Variants in SMCHD1 observed in about 807,000 individuals in gnomAD.
SMCHD1 encodes structural maintenance of chromosomes flexible hinge domain-containing protein 1.
Under a neutral mutation model 254.7 loss-of-function variants are expected in SMCHD1, and 78 were observed. That is an observed-to-expected ratio of 0.31 (90% CI 0.26 to 0.37). SMCHD1 has a LOEUF of 0.37. Ranked by LOEUF, SMCHD1 falls within the 10% of genes least tolerant of loss-of-function variation. The probability of loss-of-function intolerance (pLI) is 1.00; values close to 1 mark genes in which losing one functional copy is unlikely to be tolerated. For missense variants in SMCHD1, 1,840 were observed against 2,408.1 expected (o/e 0.76, Z 4.94); for synonymous variants, 766 against 794.9 (o/e 0.96, Z 0.61).
At chr18:2,663,905 C>T (rs1157631666) in intron 1 of SMCHD1, among the ~76,000 whole-genome samples, 3 of 151,994 alleles carry the variant, frequency 2.0e-5, no homozygotes. Flanking sequence ...TTAGTAGAGA[C>T]GGGGTTTCAC....
intron 34 of SMCHD1, among the ~76,000 whole-genome samples, chr18:2,759,621 G>A (rs1440924090): frequency 8.3e-6 from 1 of 120,904 alleles, no homozygotes; most frequent in Non-Finnish European, 1.6e-5. Flanking sequence ...CCAAGCTGGA[G>A]TGCAGTGGAG....
chr18:2,695,643 C>A (rs1047108295), intron 8 of SMCHD1, among the ~76,000 whole-genome samples: 1 of 151,974 alleles, frequency 6.6e-6, no homozygotes, highest in African/African-American at 2.4e-5. Flanking sequence ...GTGATACATA[C>A]GATTTACTGT....
intron 34 of SMCHD1, 116 bp from the exon 35 acceptor site, chr18:2,760,536 A>AT: frequency 1.5e-6 from 1 of 668,940 alleles, no homozygotes; most frequent in Non-Finnish European, 2.7e-6. Flanking sequence ...TACTATTAGT[A>AT]GTTCTATTCT....
chr18:2,671,153 C>T (rs1229926644), intron 3 of SMCHD1, among the ~76,000 whole-genome samples: 1 of 151,842 alleles, frequency 6.6e-6, no homozygotes, highest in Non-Finnish European at 1.5e-5. Flanking sequence ...TCAGGCTGGT[C>T]TCAAACCCCT....
chr18:2,708,872 A>G (rs1208325090), intron 17 of SMCHD1, among the ~76,000 whole-genome samples: 2 of 24,082 alleles, frequency 8.3e-5, no homozygotes, highest in Non-Finnish European at 1.5e-4. Context: ...AACTTCATAT[A>G]TATATATATA....
intron 1 of SMCHD1, among the ~76,000 whole-genome samples, chr18:2,662,185 A>G (rs1568068918): frequency 1.2e-5 from 1 of 83,234 alleles, no homozygotes; most frequent in African/African-American, 9.0e-5. Flanking sequence ...AAAATAAAAT[A>G]AATAAATAAA....
intron 47 of SMCHD1, among the ~76,000 whole-genome samples, chr18:2,798,090 C>G (rs796887088): frequency 1.8e-4 from 28 of 152,146 alleles, no homozygotes; most frequent in African/African-American, 6.5e-4. Flanking sequence ...GCATGATGCT[C>G]TAAGAAAATA....
chr18:2,675,018 C>T (rs1265183509), intron 5 of SMCHD1, among the ~76,000 whole-genome samples: 1 of 152,134 alleles, frequency 6.6e-6, no homozygotes, highest in Non-Finnish European at 1.5e-5. Flanking sequence ...ATCATTTGAA[C>T]CTGGTTTGGA....
chr18:2,799,858 C>G (rs796815808), intron 47 of SMCHD1, among the ~76,000 whole-genome samples: 11 of 152,192 alleles, frequency 7.2e-5, no homozygotes, highest in African/African-American at 2.6e-4. Context: ...ATCTGCCATC[C>G]TGGGTCTTCC....
intron 44 of SMCHD1, 130 bp downstream of exon 44, chr18:2,778,369 T>C: frequency 1.6e-6 from 1 of 610,224 alleles, no homozygotes; most frequent in Non-Finnish European, 2.7e-6. Context: ...ATAAGCAACA[T>C]AAAAGTAGGC....
At chr18:2,701,908 G>T (rs2074410031) in intron 12 of SMCHD1, among the ~76,000 whole-genome samples, 1 of 152,062 alleles carries the variant, frequency 6.6e-6, no homozygotes, top group Non-Finnish European at 1.5e-5. Flanking sequence ...AGTCCTGTAA[G>T]ATGTTGAAAT....
At chr18:2,765,612 T>C (rs2143708765) in intron 37 of SMCHD1, among the ~76,000 whole-genome samples, 1 of 152,320 alleles carries the variant, frequency 6.6e-6, no homozygotes, top group East Asian at 1.9e-4. Context: ...TTTGGTGAAA[T>C]CTAAAGATCT....
At chr18:2,689,661 T>C (rs1265338661) in intron 7 of SMCHD1, among the ~76,000 whole-genome samples, 4 of 152,058 alleles carry the variant, frequency 2.6e-5, no homozygotes, top group African/African-American at 7.2e-5. Context: ...ACTCCTGGAC[T>C]CAGGCAGTCT....
chr18:2,770,840 CG>C (rs1336454759), intron 39 of SMCHD1, among the ~76,000 whole-genome samples: 1 of 152,042 alleles, frequency 6.6e-6, no homozygotes, highest in African/African-American at 2.4e-5. Flanking sequence ...GGGCTGGTCT[CG>C]AACTTCTTAC....
In SMCHD1 at chr18:2,673,294, G is replaced by A. The variant is rs1271846875; in HGVS notation, c.438G>A (p.Ala146=). ...EGQNPLPFAL[A]ELIDNSLSAT... ...GATCTCTTGCAGCATTTGCTCTTGCGGAATTAATTGACAATTCATTGTCTG... is the reference window on the plus strand; with the variant it reads ...GATCTCTTGCAGCATTTGCTCTTGCAGAATTAATTGACAATTCATTGTCTG... Residue 146 remains alanine (A), a synonymous_variant, in exon 4 of 48, where the codon GCG becomes GCA. Coordinates refer to ENST00000320876, the MANE Select transcript of SMCHD1 (RefSeq NM_015295.3). 33 of 1,591,708 alleles carry A rather than the reference G, an allele frequency of 2.1e-5. No homozygotes were observed. The highest frequency in any genetic ancestry group is 2.7e-5 in the Non-Finnish European group (32 of 1,164,496).
intron 44 of SMCHD1, among the ~76,000 whole-genome samples, chr18:2,781,598 T>C (rs575426740): frequency 3.3e-5 from 5 of 152,092 alleles, no homozygotes; most frequent in African/African-American, 9.6e-5. Context: ...ACAAGTTAAA[T>C]TGAAAAATAT....
chr18:2,719,293 C>CTCTTT (rs1042207024), intron 19 of SMCHD1, among the ~76,000 whole-genome samples: 9 of 150,344 alleles, frequency 6.0e-5, no homozygotes, highest in South Asian at 2.1e-4. Context: ...CCCCTCTCCC[C>CTCTTT]TCTTTTCTTT....
At position 2,762,229 on chromosome 18, in the gene SMCHD1, G is replaced by A; in HGVS notation, c.4559G>A (p.Ser1520Asn). The A allele has an allele frequency of 1.9e-6, 3 of 1,613,320 alleles. No homozygotes were observed. The highest frequency in any genetic ancestry group is 1.7e-6 in the Non-Finnish European group (2 of 1,179,500). The part of the protein sequence containing the change: ...SRTLVRDLHL[S>N]ITDDYDNHTG... The stretch of plus-strand genomic sequence containing the variant: ...ACCTTGGTCAGAGATCTACATCTTA[G>A]TATCACGGTAATGTTTATTTTCTTC... The change falls in exon 36 of 48, where the codon AGT becomes AAT. Residue 1520 changes from serine (S) to asparagine (N), a missense_variant. Ser to Asn is a conservative substitution (Grantham distance 46). Transcript: ENST00000320876.
intron 41 of SMCHD1, among the ~76,000 whole-genome samples, chr18:2,773,249 C>G (rs1158364606): frequency 6.6e-6 from 1 of 152,066 alleles, no homozygotes; most frequent in Non-Finnish European, 1.5e-5. Flanking sequence ...AAACAAGTTG[C>G]TAATATACAA....
Sources: allele counts gnomAD v4.1 joint callset (sites outside exome capture counted in the v4.1 genomes callset), GRCh38; gene constraint gnomAD v4.1.1; transcripts MANE v1.5; gene names NCBI Gene and HGNC (gene_info 2026-07-23, HGNC 2026-07-21).